Variants in DYSF observed in about 807,000 individuals in gnomAD.
DYSF encodes the protein dystrophy-associated fer-1-like 1.
In DYSF, 212 loss-of-function variants were observed where a neutral mutation model predicts 274.9. That is an observed-to-expected ratio of 0.77 (90% CI 0.69 to 0.86). The LOEUF is 0.86. Ranked by LOEUF, DYSF falls within the 40% of genes least tolerant of loss-of-function variation. The pLI, the probability that DYSF is intolerant of heterozygous loss-of-function variation, is 0.00. For missense variants in DYSF, 2,666 were observed against 2,783.2 expected (o/e 0.96, Z 0.95); for synonymous variants, 1,091 against 1,078.7 (o/e 1.01, Z -0.22).
chr2:71,554,533 TG>T (rs1400911378), intron 21 of DYSF, among the ~76,000 whole-genome samples: 1 of 146,170 alleles, frequency 6.8e-6, no homozygotes, highest in African/African-American at 2.6e-5. Flanking sequence ...TGCAAGGAGA[TG>T]GGGGGTGGGA....
At chr2:71,637,767 G>A (rs1029548453) in intron 41 of DYSF, among the ~76,000 whole-genome samples, 2 of 152,136 alleles carry the variant, frequency 1.3e-5, no homozygotes, top group Non-Finnish European at 2.9e-5. Flanking sequence ...AAGGGCAAGG[G>A]GGTAAACAAA....
At chr2:71,478,658 G>C (rs936908626) in intron 1 of DYSF, among the ~76,000 whole-genome samples, 3 of 152,098 alleles carry the variant, frequency 2.0e-5, no homozygotes, top group Non-Finnish European at 4.4e-5. Context: ...TTCACAGTGG[G>C]AGAGGGAGTT....
chr2:71,501,319 C>A (rs565440538), intron 3 of DYSF, among the ~76,000 whole-genome samples: 19 of 152,120 alleles, frequency 1.2e-4, no homozygotes, highest in Non-Finnish European at 2.2e-4. Flanking sequence ...ACGAGCAAGG[C>A]GGCAGAGTCT....
At chr2:71,494,856 T>C (rs1423461907) in intron 3 of DYSF, among the ~76,000 whole-genome samples, 3 of 152,238 alleles carry the variant, frequency 2.0e-5, no homozygotes, top group African/African-American at 7.2e-5. Flanking sequence ...TTCTATTGGC[T>C]ACAGTTTTTC....
intron 12 of DYSF, among the ~76,000 whole-genome samples, chr2:71,521,676 C>T (rs1646718930): frequency 6.6e-6 from 1 of 152,114 alleles, no homozygotes; most frequent in South Asian, 2.1e-4. Context: ...CCTGCCATGC[C>T]TCGTGTCTCC....
chr2:71,555,938 C>T (rs960538242), intron 21 of DYSF, 27 bp from the exon 22 acceptor site: 3 of 1,541,110 alleles, frequency 1.9e-6, no homozygotes, highest in Admixed American at 3.9e-5. Context: ...TGGTGACACA[C>T]CTGACCCTTG....
intron 14 of DYSF, among the ~76,000 whole-genome samples, chr2:71,530,656 A>C (rs2088587470): frequency 6.6e-6 from 1 of 152,082 alleles, no homozygotes; most frequent in African/African-American, 2.4e-5. Context: ...AGGCAGCTGG[A>C]ATGCTCCGTC....
chr2:71,468,003 G>A (rs1238397892), intron 1 of DYSF, among the ~76,000 whole-genome samples: 3 of 152,196 alleles, frequency 2.0e-5, no homozygotes, highest in Admixed American at 6.5e-5. Context: ...GGAGATTTAT[G>A]TGTAGCTTTT....
At position 71,473,653 on chromosome 2, in the gene DYSF, T is replaced by C. The variant is rs181464787; in HGVS notation, c.91+6720T>C. Among the ~76,000 whole-genome samples, 348 of 152,322 alleles carry C rather than the reference T, an allele frequency of 2.3e-3. 6 individuals carry two copies. Among genetic ancestry groups the C allele is most frequent in the Non-Finnish European group, 1.3e-3 (86 of 68,022 alleles). On this transcript the variant is annotated intron_variant, in intron 1 of 55. Transcript: ENST00000410020. The stretch of plus-strand genomic sequence containing the variant: ...TGCTTCCCATTCGCCAAGCCGATAC[T>C]GGCCAGTAGACCTCAGGCCCACCAC...
At chr2:71,471,483 A>G (rs1230833740) in intron 1 of DYSF, among the ~76,000 whole-genome samples, 2 of 152,210 alleles carry the variant, frequency 1.3e-5, no homozygotes, top group Non-Finnish European at 2.9e-5. Flanking sequence ...CCCCCACACC[A>G]ACCACAGAGT....
chr2:71,588,167 T>G (rs2093135922), intron 30 of DYSF, among the ~76,000 whole-genome samples: 1 of 151,674 alleles, frequency 6.6e-6, no homozygotes, highest in Admixed American at 6.6e-5. Flanking sequence ...AAGGGCCGGG[T>G]TTGGGGGAAG....
intron 42 of DYSF, among the ~76,000 whole-genome samples, chr2:71,644,593 T>G (rs899291904): frequency 6.6e-6 from 1 of 152,144 alleles, no homozygotes; most frequent in Non-Finnish European, 1.5e-5. Flanking sequence ...GCCAGAAAAT[T>G]ACCTACAAAT....
intron 22 of DYSF, among the ~76,000 whole-genome samples, chr2:71,556,403 C>T (rs779668928): frequency 2.0e-5 from 3 of 152,166 alleles, no homozygotes; most frequent in Non-Finnish European, 4.4e-5. Flanking sequence ...GGGGTGACGG[C>T]GCCCCTCATT....
chr2:71,593,536 GACTTAGA>G (rs1182595448), intron 32 of DYSF, among the ~76,000 whole-genome samples: 2 of 152,176 alleles, frequency 1.3e-5, no homozygotes, highest in African/African-American at 2.4e-5. Context: ...GACTTGAGAG[GACTTAGA>G]ACACGTCACC....
chr2:71,643,960 C>A lies in DYSF; in HGVS notation c.4528-5C>A, dbSNP rs774448845. 1 of 1,605,564 alleles carries A rather than the reference C, an allele frequency of 6.2e-7. No homozygotes were observed. Among genetic ancestry groups the A allele is most frequent in the Non-Finnish European group, 8.5e-7 (1 of 1,174,960 alleles). On this transcript the variant is annotated splice_polypyrimidine_tract_variant and splice_region_variant and intron_variant, in intron 41 of 55. Transcript: ENST00000410020. Reference sequence around the variant, plus strand: ...GAAATGGTCTCTTTCTTTCTACCCACTCAGGAGGAAGAGTTCATCGATTGG... The same window carrying A: ...GAAATGGTCTCTTTCTTTCTACCCAATCAGGAGGAAGAGTTCATCGATTGG...
At chr2:71,617,203 G>A (rs1054044494) in intron 40 of DYSF, among the ~76,000 whole-genome samples, 1 of 152,226 alleles carries the variant, frequency 6.6e-6, no homozygotes, top group Non-Finnish European at 1.5e-5. Flanking sequence ...ATTTCGGGAG[G>A]TGGGAATATG....
rs79086455 is a variant in DYSF at position 71,595,143 on chromosome 2, A to G, written c.3575-3421A>G. 1.1e-3 allele frequency among the ~76,000 whole-genome samples: 163 copies of G among 152,348 alleles called. No homozygotes were observed. The East Asian group carries it at 0.029, about 27-fold the overall frequency. On this transcript the variant is annotated intron_variant, in intron 32 of 55. Transcript: ENST00000410020. ...TATGTTTTTCAGGGCATAGTGCCCA[A>G]TTGCTTTTCTGAAGGGTTGCTGAAT...
At chr2:71,596,863 T>A (rs1340217032) in intron 32 of DYSF, among the ~76,000 whole-genome samples, 1 of 152,206 alleles carries the variant, frequency 6.6e-6, no homozygotes, top group Non-Finnish European at 1.5e-5. Flanking sequence ...TGGGTGGCCA[T>A]GGCTGAGTCC....
Position 71,562,009 on chromosome 2 carries a change from A to G in DYSF, c.2409+65A>G, listed in dbSNP as rs1437608001. On this transcript the variant is annotated intron_variant, in intron 23 of 55. Coordinates refer to ENST00000410020, the MANE Select transcript of DYSF (RefSeq NM_001130987.2). ...TGCTGCCTGGAACATCAGAACTGGCAGGGACAAGGCGAATGTCTGGATTAT... is the reference window on the plus strand; with the variant it reads ...TGCTGCCTGGAACATCAGAACTGGCGGGGACAAGGCGAATGTCTGGATTAT... 3 of 1,569,236 alleles carry G rather than the reference A, an allele frequency of 1.9e-6. No homozygotes were observed. The African/African-American group carries it at 4.1e-5, about 21-fold the overall frequency.
Sources: allele counts gnomAD v4.1 joint callset (sites outside exome capture counted in the v4.1 genomes callset), GRCh38; gene constraint gnomAD v4.1.1; transcripts MANE v1.5; gene names NCBI Gene and HGNC (gene_info 2026-07-23, HGNC 2026-07-21).